The following MEGF10 variants were observed in gnomAD, a reference collection of about 807,000 sequenced individuals.
MEGF10 encodes the protein multiple epidermal growth factor-like domains protein 10.
MEGF10 carries 86 observed loss-of-function variants against 147.5 expected under a neutral mutation model. The ratio of observed to expected loss-of-function variants is 0.58; its 90% CI spans 0.49 to 0.70. MEGF10 has a LOEUF of 0.70. MEGF10 is among the 30% of genes least tolerant of loss of function. The pLI is 0.00. For missense variants in MEGF10, 1,329 were observed against 1,487.3 expected, an observed-to-expected ratio of 0.89 and a Z score of 1.75; for synonymous variants, 478 against 525.5, an observed-to-expected ratio of 0.91 and a Z score of 1.24.
At chr5:127,366,387 T>A (rs1462831302) in intron 4 of MEGF10, among the ~76,000 whole-genome samples, 1 of 152,186 alleles carries the variant, frequency 6.6e-6, no homozygotes, top group Non-Finnish European at 1.5e-5. Context: ...GAGTCTAATG[T>A]GTGAAGATTC....
intron 1 of MEGF10, among the ~76,000 whole-genome samples, chr5:127,297,208 C>G (rs1055248968): frequency 5.3e-5 from 8 of 152,182 alleles, no homozygotes; most frequent in Admixed American, 5.2e-4. Context: ...CTCAAGTGAT[C>G]TGCCTGCCTC....
At chr5:127,374,140 C>G (rs1378675523) in intron 5 of MEGF10, among the ~76,000 whole-genome samples, 1 of 152,166 alleles carries the variant, frequency 6.6e-6, no homozygotes, top group Non-Finnish European at 1.5e-5. Flanking sequence ...GCTACAGAAA[C>G]AAGGCATTGG....
intron 2 of MEGF10, among the ~76,000 whole-genome samples, chr5:127,333,405 G>A (rs1244659534): frequency 1.3e-5 from 2 of 151,930 alleles, no homozygotes; most frequent in African/African-American, 4.8e-5. Flanking sequence ...CCAGCTACTT[G>A]GGGGGCTGAG....
At chr5:127,233,387 A>G in the MEGF10 span, among the ~76,000 whole-genome samples, 1 of 152,128 alleles carries the variant, frequency 6.6e-6, no homozygotes, top group African/African-American at 2.4e-5. Flanking sequence ...CTCCAGCATA[A>G]TCCACTTCAG....
chr5:127,340,944 T>A (rs764424712), intron 4 of MEGF10, among the ~76,000 whole-genome samples: 2 of 152,146 alleles, frequency 1.3e-5, no homozygotes, highest in East Asian at 3.8e-4. Flanking sequence ...TCAGGACTCA[T>A]TGGACCTGGG....
chr5:127,308,379 A>G (rs1488925765), intron 1 of MEGF10, among the ~76,000 whole-genome samples: 1 of 152,186 alleles, frequency 6.6e-6, no homozygotes, highest in Non-Finnish European at 1.5e-5. Flanking sequence ...TCCAAGTTCA[A>G]CAAACAAATC....
intron 5 of MEGF10, among the ~76,000 whole-genome samples, chr5:127,390,500 AG>A (rs1352351534): frequency 1.3e-5 from 2 of 152,084 alleles, no homozygotes; most frequent in African/African-American, 4.8e-5. Context: ...TGTGTTTTCC[AG>A]GCTGGTCTCT....
chr5:127,396,489 T>C, intron 5 of MEGF10, 43 bp from the exon 6 acceptor site: 3 of 1,478,628 alleles, frequency 2.0e-6, no homozygotes, highest in Non-Finnish European at 2.7e-6. Flanking sequence ...AATCTGGTTC[T>C]CCCTTACCCA....
chr5:127,364,309 T>C lies in MEGF10; in HGVS notation c.320-5601T>C, dbSNP rs577092723. The stretch of plus-strand genomic sequence containing the variant: ...CACAGCCCTAGACAACCAACTAATA[T>C]CCTGTCTATCCATATGGAATTGTCC... On this transcript the variant is annotated intron_variant, in intron 4 of 24. Coordinates refer to ENST00000503335, the MANE Select transcript of MEGF10 (RefSeq NM_001256545.2). 3.9e-4 allele frequency among the ~76,000 whole-genome samples: 60 copies of C among 152,300 alleles called. 1 individual carries two copies. The highest frequency in any genetic ancestry group is 1.3e-3 in the African/African-American group (55 of 41,574).
intron 12 of MEGF10, among the ~76,000 whole-genome samples, chr5:127,420,795 G>C (rs1764967892): frequency 6.6e-6 from 1 of 152,128 alleles, no homozygotes; most frequent in South Asian, 2.1e-4. Context: ...AGCTGTCAGG[G>C]AGTGCAAACG....
At chr5:127,402,730 G>A (rs1267279520) in intron 8 of MEGF10, 48 bp downstream of exon 8, 8 of 1,604,214 alleles carry the variant, frequency 5.0e-6, no homozygotes, top group Non-Finnish European at 6.8e-6. Flanking sequence ...TGATGTGAAA[G>A]GAAAGTTTGT....
intron 4 of MEGF10, among the ~76,000 whole-genome samples, chr5:127,341,390 A>T (rs1198640590): frequency 6.6e-6 from 1 of 152,112 alleles, no homozygotes; most frequent in South Asian, 2.1e-4. Context: ...GATGTTGAGT[A>T]GCACAGAGAG....
intron 1 of MEGF10, among the ~76,000 whole-genome samples, chr5:127,315,689 C>T (rs1760517560): frequency 6.6e-6 from 1 of 151,996 alleles, no homozygotes; most frequent in African/African-American, 2.4e-5. Context: ...TGAGAGGATC[C>T]ATTCAGTTTG....
intron 1 of MEGF10, among the ~76,000 whole-genome samples, chr5:127,309,130 C>T (rs554015965): frequency 6.6e-6 from 1 of 152,302 alleles, no homozygotes; most frequent in South Asian, 2.1e-4. Context: ...ATGTGCAGTC[C>T]TTGTGATCCA....
intron 16 of MEGF10, 98 bp from the exon 17 acceptor site, chr5:127,438,341 C>T (rs986170391): frequency 1.5e-6 from 2 of 1,376,066 alleles, no homozygotes; most frequent in Non-Finnish European, 2.0e-6. Context: ...CACTGCTAAC[C>T]TCTCACATGC....
intron 16 of MEGF10, among the ~76,000 whole-genome samples, chr5:127,436,185 A>G (rs959649101): frequency 8.5e-5 from 13 of 152,236 alleles, no homozygotes; most frequent in African/African-American, 3.1e-4. Context: ...TTTATATTGA[A>G]TTCCCCCATC....
the MEGF10 span, among the ~76,000 whole-genome samples, chr5:127,284,284 A>G: frequency 1.3e-5 from 2 of 152,148 alleles, no homozygotes; most frequent in Admixed American, 6.6e-5. Context: ...GCTGAGACCT[A>G]TGGCTAAAGA....
At chr5:127,290,313 C>A (rs1021276577), upstream of MEGF10, among the ~76,000 whole-genome samples, 2 of 152,140 alleles carry the variant, frequency 1.3e-5, no homozygotes, top group Non-Finnish European at 2.9e-5. Flanking sequence ...AATCACCATC[C>A]TTTCTGGGTC....
chr5:127,430,688 C>G (rs1248952515), intron 13 of MEGF10, among the ~76,000 whole-genome samples: 1 of 152,080 alleles, frequency 6.6e-6, no homozygotes, highest in Non-Finnish European at 1.5e-5. Flanking sequence ...CACAGAGGGC[C>G]AGAAGGGGAG....
Sources: gnomAD v4.1 joint callset for allele counts (sites outside exome capture counted in the v4.1 genomes callset) on GRCh38, gnomAD v4.1.1 for gene constraint, MANE v1.5 for transcripts, NCBI Gene and HGNC (gene_info 2026-07-23, HGNC 2026-07-21) for gene names.